The following DHRS4 variants were observed in gnomAD, a reference collection of about 807,000 sequenced individuals.
DHRS4 encodes the protein dehydrogenase/reductase SDR family member 4.
In DHRS4, 20 loss-of-function variants were observed where a neutral mutation model predicts 28.4. The observed-to-expected ratio is 0.71, with a 90% CI of 0.50 to 1.02. The LOEUF is 1.02. DHRS4 is among the 50% of genes least tolerant of loss of function. DHRS4 has a pLI of 0.00. For missense variants in DHRS4, 378 were observed against 367.2 expected (o/e 1.03, Z -0.24); for synonymous variants, 144 against 146.4 (o/e 0.98, Z 0.12).
intron 3 of DHRS4, 112 bp downstream of exon 3, chr14:23,960,115 T>A: frequency 1.9e-6 from 2 of 1,027,122 alleles, no homozygotes; most frequent in Non-Finnish European, 3.0e-6. Flanking sequence ...ATGTGAGGAC[T>A]CTTTGCCACG....
At chr14:23,955,281 G>T (rs1446249540) in intron 2 of DHRS4, 69 bp downstream of exon 2, 14 of 1,524,302 alleles carry the variant, frequency 9.2e-6, no homozygotes, top group Non-Finnish European at 1.2e-5. Flanking sequence ...CTCCTTCCCT[G>T]CTTTCCTAGA....
intron 1 of DHRS4, 177 bp downstream of exon 1, chr14:23,954,093 C>T (rs2032973210): frequency 2.0e-6 from 2 of 995,776 alleles, no homozygotes; most frequent in African/African-American, 1.7e-5. Context: ...TAGCCCTGGA[C>T]CCTCCCTTGC....
chr14:23,959,930 T>G lies in DHRS4; in HGVS notation c.335T>G (p.Ile112Ser), dbSNP rs749157629. ...TAVKLHGGID[I>S]LVSNAAVNPF... ...GTGAAGCTTCATGGAGGTATCGATATCCTAGTCTCCAATGCTGCTGTCAAC... is the reference window on the plus strand; with the variant it reads ...GTGAAGCTTCATGGAGGTATCGATAGCCTAGTCTCCAATGCTGCTGTCAAC... Residue 112 changes from isoleucine to serine, a missense_variant, in exon 3 of 8, where the codon ATC becomes AGC. By Grantham distance (142) the Ile-to-Ser change is moderately radical. Coordinates refer to ENST00000313250, the MANE Select transcript of DHRS4 (RefSeq NM_021004.4). 6.2e-7 allele frequency: 1 copy of G among 1,612,520 alleles called. No homozygotes were observed. Among genetic ancestry groups the G allele is most frequent in the South Asian group, 1.1e-5 (1 of 91,064 alleles).
At chr14:23,968,650 A>C in intron 7 of DHRS4, 107 bp from the exon 8 acceptor site, 1 of 1,541,190 alleles carries the variant, frequency 6.5e-7, no homozygotes, top group South Asian at 1.2e-5. Context: ...ACCCTGAAAA[A>C]GCCATCTGAT....
chr14:23,954,998 A>C (rs1246528088), intron 1 of DHRS4, 37 bp from the exon 2 acceptor site: 15 of 1,611,956 alleles, frequency 9.3e-6, no homozygotes, highest in Non-Finnish European at 1.2e-5. Context: ...CTTCCCCTGC[A>C]CAGGCCTTAG....
intron 2 of DHRS4, among the ~76,000 whole-genome samples, chr14:23,957,615 G>C (rs1034714066): frequency 1.3e-5 from 2 of 149,812 alleles, no homozygotes; most frequent in Admixed American, 6.7e-5. Context: ...GCAGTGCAGT[G>C]ACATGATCAT....
chr14:23,966,971 C>T (rs1245729263), intron 6 of DHRS4, among the ~76,000 whole-genome samples: 15 of 152,244 alleles, frequency 9.9e-5, no homozygotes, highest in Middle Eastern at 3.4e-3. Flanking sequence ...TTGGCTAACA[C>T]GGTGAAACCC....
At chr14:23,955,375 T>G (rs1016572188) in intron 2 of DHRS4, among the ~76,000 whole-genome samples, 163 bp downstream of exon 2, 3 of 152,058 alleles carry the variant, frequency 2.0e-5, no homozygotes, top group African/African-American at 4.8e-5. Context: ...CAGAGAATTT[T>G]AAAACATTCT....
At chr14:23,956,624 G>A (rs1248602027) in intron 2 of DHRS4, among the ~76,000 whole-genome samples, 1 of 126,546 alleles carries the variant, frequency 7.9e-6, no homozygotes, top group African/African-American at 3.2e-5. Context: ...TTTTTTTTGA[G>A]ACAGAGTTTC....
At chr14:23,962,513 C>T (rs1305047162) in intron 3 of DHRS4, among the ~76,000 whole-genome samples, 6 of 151,890 alleles carry the variant, frequency 4.0e-5, no homozygotes, top group Admixed American at 2.6e-4. Flanking sequence ...TTTGCTTATC[C>T]GTAAGAACCA....
At chr14:23,967,125 G>A (rs1366995167) in intron 6 of DHRS4, 86 bp from the exon 7 acceptor site, 7 of 1,521,966 alleles carry the variant, frequency 4.6e-6, no homozygotes, top group Non-Finnish European at 6.2e-6. Context: ...CTACAGTCCG[G>A]CCTGGGCAAA....
At chr14:23,962,107 CT>C (rs2138456563) in intron 3 of DHRS4, among the ~76,000 whole-genome samples, 1 of 96,604 alleles carries the variant, frequency 1.0e-5, no homozygotes, top group Non-Finnish European at 2.0e-5. Flanking sequence ...TTTTAAAATA[CT>C]TTATTGCTAA....
At chr14:23,956,599 C>CTTT (rs1229716867) in intron 2 of DHRS4, among the ~76,000 whole-genome samples, 31 of 116,946 alleles carry the variant, frequency 2.7e-4, no homozygotes, top group Admixed American at 4.2e-4. Context: ...CCTCCATATC[C>CTTT]TTTTTTTTTT....
intron 1 of DHRS4, 48 bp downstream of exon 1, chr14:23,953,964 G>A: frequency 6.4e-7 from 1 of 1,551,378 alleles, no homozygotes; most frequent in Non-Finnish European, 8.7e-7. Flanking sequence ...CCTGGAAACA[G>A]GCACTGGCCT....
intron 2 of DHRS4, among the ~76,000 whole-genome samples, chr14:23,956,161 G>C (rs2033134330): frequency 6.6e-6 from 1 of 152,206 alleles, no homozygotes; most frequent in Non-Finnish European, 1.5e-5. Context: ...CCAAATATGA[G>C]TCCAAGAAAG....
intron 1 of DHRS4, chr14:23,954,141 C>A (rs534089070): frequency 2.3e-5 from 15 of 656,088 alleles, no homozygotes; most frequent in African/African-American, 1.8e-4. Flanking sequence ...CACAACTGTG[C>A]CACCTCTGTG....
chr14:23,959,815 T>C (rs1451759961), intron 2 of DHRS4, 87 bp from the exon 3 acceptor site: 8 of 1,490,202 alleles, frequency 5.4e-6, no homozygotes, highest in Admixed American at 1.7e-5. Flanking sequence ...CACAGCTCCT[T>C]GCCCAGAAGG....
In DHRS4 at chr14:23,960,028, G is replaced by T. The variant is rs773263608; in HGVS notation, c.408+25G>T. 2.0e-6 allele frequency: 3 copies of T among 1,529,016 alleles called. No homozygotes were observed. In the African/African-American group the frequency reaches 5.1e-5, roughly 26 times the overall value. 94.7% of individuals were successfully genotyped at this position (1,529,016 alleles called of 1,614,324 possible). ...GGTGAGAGGGGATTAAAGCAGGGGG[G>T]CCGGGGGGGGCGCCTTGGAACACAT... On this transcript the variant is annotated intron_variant, in intron 3 of 7. Transcript: ENST00000313250.
intron 2 of DHRS4, 40 bp from the exon 3 acceptor site, chr14:23,959,862 C>CGTAA: frequency 6.2e-7 from 1 of 1,602,822 alleles, no homozygotes; most frequent in Non-Finnish European, 8.5e-7. Flanking sequence ...ACCTCCCTTA[C>CGTAA]TTACTGCAGC....
Sources: allele counts gnomAD v4.1 joint callset (sites outside exome capture counted in the v4.1 genomes callset), GRCh38; gene constraint gnomAD v4.1.1; transcripts MANE v1.5; gene names NCBI Gene and HGNC (gene_info 2026-07-23, HGNC 2026-07-21).